RABGAP1L: variants seen among roughly 807,000 people sequenced by gnomAD.
RABGAP1L encodes the protein rab GTPase-activating protein 1-like.
RABGAP1L carries 63 observed loss-of-function variants against 137.7 expected under a neutral mutation model. The ratio of observed to expected loss-of-function variants is 0.46; its 90% CI spans 0.37 to 0.56. The LOEUF is 0.56. RABGAP1L is among the 20% of genes least tolerant of loss of function. The pLI is 0.00. For synonymous variants in RABGAP1L, 431 were observed against 433.7 expected, an observed-to-expected ratio of 0.99 and a Z score of 0.08; for missense variants, 1,095 against 1,244.0, an observed-to-expected ratio of 0.88 and a Z score of 1.80.
At chr1:174,214,099 A>T (rs1669106319) in intron 1 of RABGAP1L, among the ~76,000 whole-genome samples, 1 of 152,136 alleles carries the variant, frequency 6.6e-6, no homozygotes, top group South Asian at 2.1e-4. Context: ...AAACCTAAAG[A>T]CTCCACCAAA....
chr1:174,306,272 A>T (rs1424084318), intron 11 of RABGAP1L, among the ~76,000 whole-genome samples: 1 of 152,208 alleles, frequency 6.6e-6, no homozygotes, highest in African/African-American at 2.4e-5. Flanking sequence ...TCCTTTGGGT[A>T]TATACCCAGT....
intron 18 of RABGAP1L, among the ~76,000 whole-genome samples, chr1:174,772,567 CAAAAAAAA>C (rs60690186): frequency 1.5e-4 from 8 of 53,062 alleles, no homozygotes; most frequent in South Asian, 7.5e-4. Flanking sequence ...GACTCCATCT[CAAAAAAAA>C]AAAAAAAAAA....
At chr1:174,380,397 G>A (rs1040162551) in intron 12 of RABGAP1L, among the ~76,000 whole-genome samples, 26 of 151,468 alleles carry the variant, frequency 1.7e-4, no homozygotes, top group African/African-American at 3.6e-4. Flanking sequence ...GGTAGAATTC[G>A]GCTGTGAATC....
intron 13 of RABGAP1L, among the ~76,000 whole-genome samples, chr1:174,542,227 C>T (rs1415837512): frequency 6.6e-6 from 1 of 152,064 alleles, no homozygotes. Flanking sequence ...TGGTCCTGGA[C>T]TTTTTTTGGT....
intron 18 of RABGAP1L, among the ~76,000 whole-genome samples, chr1:174,811,071 C>T (rs926632945): frequency 5.3e-5 from 8 of 152,020 alleles, no homozygotes; most frequent in African/African-American, 1.4e-4. Context: ...TATGCACTCC[C>T]GCCTGGGCAA....
intron 6 of RABGAP1L, among the ~76,000 whole-genome samples, chr1:174,251,116 T>G (rs951963266): frequency 3.9e-5 from 6 of 152,184 alleles, no homozygotes; most frequent in Non-Finnish European, 8.8e-5. Context: ...CTTATTTTCT[T>G]AATGATTTAA....
chr1:174,699,404 G>A, intron 15 of RABGAP1L, 121 bp from the exon 16 acceptor site: 1 of 746,606 alleles, frequency 1.3e-6, no homozygotes, highest in Non-Finnish European at 2.1e-6. Flanking sequence ...GGCTCTGAAG[G>A]ACTTCATTTG....
intron 11 of RABGAP1L, 47 bp from the exon 12 acceptor site, chr1:174,370,932 T>C (rs1230690683): frequency 2.3e-5 from 23 of 1,008,438 alleles, no homozygotes; most frequent in Non-Finnish European, 3.0e-5. Flanking sequence ...AAGTATCTAC[T>C]GTAATATATA....
Position 174,597,595 on chromosome 1 carries a change from T to A in RABGAP1L, c.1711-39780T>A, listed in dbSNP as rs1208787049. Among the ~76,000 whole-genome samples the A allele has an allele frequency of 3.3e-5, 5 of 152,064 alleles. 1 individual carries two copies. The highest frequency in any genetic ancestry group is 2.6e-4 in the Admixed American group (4 of 15,274). ...TCTGATTTTATTTATTTGTCTTCTC[T>A]CTTTTTTTCTTAATCTTCCTACAGG... On this transcript the variant is annotated intron_variant, in intron 13 of 25. Coordinates refer to ENST00000681986, the MANE Select transcript of RABGAP1L (RefSeq NM_001366446.1).
At chr1:174,643,287 A>G (rs943438136) in intron 14 of RABGAP1L, among the ~76,000 whole-genome samples, 3 of 152,238 alleles carry the variant, frequency 2.0e-5, no homozygotes, top group Admixed American at 6.5e-5. Context: ...CACTTGGACA[A>G]TCAAGCAGAT....
At chr1:174,899,448 C>G (rs1215061315) in intron 19 of RABGAP1L, among the ~76,000 whole-genome samples, 1 of 152,148 alleles carries the variant, frequency 6.6e-6, no homozygotes, top group Non-Finnish European at 1.5e-5. Context: ...GTGGCTCTAT[C>G]AAAAACATTA....
At chr1:174,553,337 C>T (rs1246550888) in intron 13 of RABGAP1L, among the ~76,000 whole-genome samples, 1 of 152,160 alleles carries the variant, frequency 6.6e-6, no homozygotes, top group Non-Finnish European at 1.5e-5. Flanking sequence ...CCTAGGTTAT[C>T]TTCCAGGGTT....
chr1:174,352,710 T>C (rs1374838948), intron 11 of RABGAP1L, among the ~76,000 whole-genome samples: 1 of 152,192 alleles, frequency 6.6e-6, no homozygotes, highest in Admixed American at 6.5e-5. Context: ...TTGTACCAGT[T>C]CTTCCTGGGA....
In RABGAP1L at chr1:174,946,800, C is replaced by A. The variant is rs1666836928; in HGVS notation, c.2341-10657C>A. Among the ~76,000 whole-genome samples, 6 of 148,640 alleles carry A rather than the reference C, an allele frequency of 4.0e-5. No homozygotes were observed. In the Admixed American group the frequency reaches 4.1e-4, roughly 10 times the overall value. On this transcript the variant is annotated intron_variant, in intron 19 of 25. Coordinates refer to ENST00000681986, the MANE Select transcript of RABGAP1L (RefSeq NM_001366446.1). ...CTTGTAATCCCAGTTACTCGGGAGG[C>A]TGAGGCAGGAGAATCGCTTGAACTC...
intron 1 of RABGAP1L, among the ~76,000 whole-genome samples, chr1:174,199,578 C>T (rs1190852752): frequency 1.3e-5 from 2 of 152,160 alleles, no homozygotes; most frequent in African/African-American, 4.8e-5. Flanking sequence ...AGATGTGAGC[C>T]ACCATGCCCG....
intron 3 of RABGAP1L, among the ~76,000 whole-genome samples, chr1:174,221,947 C>G (rs920327755): frequency 4.7e-4 from 72 of 151,650 alleles, no homozygotes; most frequent in Admixed American, 9.9e-4. Flanking sequence ...TGCAGTGATG[C>G]TGTTCAGCCT....
intron 9 of RABGAP1L, among the ~76,000 whole-genome samples, chr1:174,276,419 A>G (rs867493794): frequency 6.6e-6 from 1 of 152,172 alleles, no homozygotes; most frequent in Non-Finnish European, 1.5e-5. Flanking sequence ...CACTGGGATT[A>G]CAGATGTGAG....
chr1:174,601,135 T>C (rs1231284095), intron 13 of RABGAP1L, among the ~76,000 whole-genome samples: 1 of 152,232 alleles, frequency 6.6e-6, no homozygotes, highest in Non-Finnish European at 1.5e-5. Flanking sequence ...GAGCTGTACA[T>C]TGGCCCCTTT....
chr1:174,452,559 T>TTTTTG (rs144092046), intron 13 of RABGAP1L, among the ~76,000 whole-genome samples: 2 of 150,818 alleles, frequency 1.3e-5, no homozygotes, highest in Non-Finnish European at 3.0e-5. Flanking sequence ...TTGTTTTGTT[T>TTTTTG]TTTGTTTGTT....
Sources: allele counts gnomAD v4.1 joint callset (sites outside exome capture counted in the v4.1 genomes callset), GRCh38; gene constraint gnomAD v4.1.1; transcripts MANE v1.5; gene names NCBI Gene and HGNC (gene_info 2026-07-23, HGNC 2026-07-21).